The following MYO16 variants were observed in gnomAD, a reference collection of about 807,000 sequenced individuals.
MYO16 encodes myosin XVI.
Under a neutral mutation model 205.3 loss-of-function variants are expected in MYO16, and 94 were observed. The observed-to-expected ratio is 0.46, with a 90% confidence interval of 0.39 to 0.54. The LOEUF (loss-of-function observed/expected upper bound fraction) is 0.54. MYO16 is among the 20% of genes least tolerant of loss of function. The pLI is 0.00. For missense variants in MYO16, 2,315 were observed against 2,387.5 expected (o/e 0.97, Z 0.63); for synonymous variants, 988 against 954.0 (o/e 1.04, Z -0.66).
the MYO16 span, among the ~76,000 whole-genome samples, chr13:108,506,702 G>T: frequency 1.3e-5 from 2 of 152,088 alleles, no homozygotes; most frequent in Non-Finnish European, 2.9e-5. Context: ...TCTCTGGTTA[G>T]GACTTCTAGA....
At chr13:108,559,609 G>T in the MYO16 span, among the ~76,000 whole-genome samples, 2 of 151,244 alleles carry the variant, frequency 1.3e-5, no homozygotes, top group Non-Finnish European at 2.9e-5. Flanking sequence ...GAGTAGCTGG[G>T]ACTACAGGCA....
the MYO16 span, among the ~76,000 whole-genome samples, chr13:108,564,027 A>G: frequency 6.6e-6 from 1 of 152,184 alleles, no homozygotes; most frequent in Non-Finnish European, 1.5e-5. Context: ...CTTTTGGATG[A>G]AAGCCATTTT....
At chr13:109,193,943 A>G (rs1270443539) in intron 34 of MYO16, among the ~76,000 whole-genome samples, 1 of 152,146 alleles carries the variant, frequency 6.6e-6, no homozygotes, top group African/African-American at 2.4e-5. Context: ...GTTGTGTCCT[A>G]GTCATCCTTT....
rs765899288 is a variant in MYO16 at position 108,844,497 on chromosome 13, A to T, written c.1248+4A>T. ...CGGTTCCACCAAACCCGAGCAGGTA[A>T]TCATGCTTTCACTGTGTGTCTACCA... On this transcript the variant is annotated splice_donor_region_variant and intron_variant, in intron 10 of 34. Coordinates refer to ENST00000457511, the MANE Select transcript of MYO16 (RefSeq NM_001198950.3). The T allele has an allele frequency of 1.9e-6, 3 of 1,602,248 alleles. No individual in the cohort carries two copies. The highest frequency in any genetic ancestry group is 1.7e-6 in the Non-Finnish European group (2 of 1,172,168).
the MYO16 span, among the ~76,000 whole-genome samples, chr13:108,570,593 T>A: frequency 6.6e-6 from 1 of 152,218 alleles, no homozygotes; most frequent in African/African-American, 2.4e-5. Flanking sequence ...AAGCCAGCCA[T>A]CTGGGCCTGA....
At chr13:109,098,629 A>G (rs1466102056) in intron 27 of MYO16, among the ~76,000 whole-genome samples, 1 of 152,114 alleles carries the variant, frequency 6.6e-6, no homozygotes, top group African/African-American at 2.4e-5. Flanking sequence ...CGATTTGCTG[A>G]GCATACTTCT....
At chr13:108,815,712 C>T (rs1875545802) in intron 7 of MYO16, among the ~76,000 whole-genome samples, 1 of 152,158 alleles carries the variant, frequency 6.6e-6, no homozygotes, top group Admixed American at 6.5e-5. Flanking sequence ...GCATGTCAAA[C>T]TAATATAGTA....
chr13:108,765,682 C>T (rs1885756310), intron 4 of MYO16, among the ~76,000 whole-genome samples: 1 of 152,210 alleles, frequency 6.6e-6, no homozygotes, highest in African/African-American at 2.4e-5. Context: ...CTCCCCTTTT[C>T]ACCATGGCAA....
chr13:109,035,282 C>A (rs1886681623), intron 23 of MYO16, among the ~76,000 whole-genome samples: 1 of 152,100 alleles, frequency 6.6e-6, no homozygotes, highest in Non-Finnish European at 1.5e-5. Flanking sequence ...ATAGCTTAGC[C>A]CTGAGTATAC....
chr13:109,050,055 C>G (rs1411050446), intron 24 of MYO16, among the ~76,000 whole-genome samples: 1 of 151,514 alleles, frequency 6.6e-6, no homozygotes, highest in Non-Finnish European at 1.5e-5. Context: ...TGAGACGGGA[C>G]ATTATCTTAC....
the MYO16 span, among the ~76,000 whole-genome samples, chr13:108,560,730 G>A: frequency 6.6e-6 from 1 of 152,104 alleles, no homozygotes; most frequent in Non-Finnish European, 1.5e-5. Context: ...ACAAACAAAA[G>A]TTATGCATAT....
intron 1 of MYO16, among the ~76,000 whole-genome samples, chr13:108,660,529 T>G (rs1241999690): frequency 6.6e-6 from 1 of 152,204 alleles, no homozygotes; most frequent in African/African-American, 2.4e-5. Context: ...ATATAATGTC[T>G]CTCTTTGTCT....
the MYO16 span, among the ~76,000 whole-genome samples, chr13:108,589,684 C>A: frequency 4.6e-5 from 7 of 152,122 alleles, no homozygotes; most frequent in Admixed American, 1.3e-4. Flanking sequence ...TCTTCTCTCT[C>A]TCCCTCTCGC....
intron 1 of MYO16, among the ~76,000 whole-genome samples, chr13:108,648,321 T>G (rs1237392601): frequency 3.3e-5 from 5 of 152,206 alleles, no homozygotes; most frequent in African/African-American, 1.2e-4. Flanking sequence ...TGATTTTCAC[T>G]GCCTCTCAAC....
rs1887391137 is a variant in MYO16, at chr13:109,055,578, C to G, written c.3318C>G (p.Phe1106Leu). The G allele has an allele frequency of 6.2e-7, 1 of 1,610,540 alleles. No individual in the cohort carries two copies. ...ATGGATACCCTGTTCGCCTTTCCTT[C>G]TCGGATTTCCTGTCAAGGTAAATTC... ...FRYGYPVRLS[F>L]SDFLSRYKPL... The change falls in exon 27 of 35, where the codon TTC (phenylalanine) becomes TTG (leucine). Residue 1106 changes from phenylalanine to leucine, a missense_variant. Physicochemically the swap from Phe to Leu is conservative, Grantham distance 22. This residue lies in a region of MYO16 where 1,097 missense variants were observed against 1,092.0 expected (regional missense o/e 1.00). Transcript: ENST00000457511. This position sits in a 1 kb window ranked among gnomAD's most constrained non-coding sequence, Gnocchi z 5.0.
chr13:108,590,667 A>G, the MYO16 span, among the ~76,000 whole-genome samples: 4 of 152,296 alleles, frequency 2.6e-5, no homozygotes, highest in East Asian at 7.7e-4. Flanking sequence ...AGAAAACACC[A>G]TGCGAAGACA....
chr13:108,943,379 T>G (rs1882807612), intron 16 of MYO16, among the ~76,000 whole-genome samples: 1 of 152,230 alleles, frequency 6.6e-6, no homozygotes, highest in African/African-American at 2.4e-5. Context: ...GATCATTATA[T>G]AGATGTAGTA....
In MYO16 at chr13:108,888,347, T is replaced by C. The variant is rs373917764; in HGVS notation, c.1554-25T>C. 23 of 1,518,458 alleles carry C rather than the reference T, an allele frequency of 1.5e-5. No individual in the cohort carries two copies. The East Asian group carries it at 2.4e-4, about 16-fold the overall frequency. The allele number at this position is 1,518,458 out of a possible 1,614,324, so 94.1% of individuals were successfully genotyped here. A position where few individuals can be genotyped will look rare whatever the true frequency, so the allele number is the denominator to read the frequency against. ...TTGAAGCAAAGTTCCTTCAAACTTA[T>C]GTTTTTCCTCTCTGTTTTCCTTAGT... On this transcript the variant is annotated intron_variant, in intron 13 of 34. Transcript: ENST00000457511.
Position 108,724,001 on chromosome 13 carries a change from C to A in MYO16, c.364-3439C>A, listed in dbSNP as rs545979644. Among the ~76,000 whole-genome samples, 9 of 152,204 alleles carry A rather than the reference C, an allele frequency of 5.9e-5. No individual in the cohort carries two copies. The South Asian group carries it at 1.9e-3, about 32-fold the overall frequency. On this transcript the variant is annotated intron_variant, in intron 3 of 34. Transcript: ENST00000457511. ...TAGGTTTAAAAAATTATCTCACTAACGTTTTGTTGATTTTGGTGTGCAGGT... is the reference window on the plus strand; with the variant it reads ...TAGGTTTAAAAAATTATCTCACTAAAGTTTTGTTGATTTTGGTGTGCAGGT...
Sources: gnomAD v4.1 joint callset for allele counts (sites outside exome capture counted in the v4.1 genomes callset) on GRCh38, gnomAD v4.1.1 for gene constraint, gnomAD v4.1.1 regional missense constraint, Gnocchi (gnomAD v3.1) non-coding constraint, MANE v1.5 for transcripts, NCBI Gene and HGNC (gene_info 2026-07-23, HGNC 2026-07-21) for gene names.